Variants in NTAQ1 observed in about 807,000 individuals in gnomAD.
The protein encoded by NTAQ1 is N-terminal glutamine amidase 1, also known as protein N-terminal glutamine amidohydrolase.
A neutral mutation model predicts 28.2 loss-of-function variants in NTAQ1; 21 were observed. That is an observed-to-expected ratio of 0.74 (90% CI 0.53 to 1.07). The LOEUF (loss-of-function observed/expected upper bound fraction) is 1.07. Ranked by LOEUF, NTAQ1 falls within the 50% of genes least tolerant of loss-of-function variation. The probability of loss-of-function intolerance (pLI) is 0.00; values close to 1 mark genes in which losing one functional copy is unlikely to be tolerated. For missense variants in NTAQ1, 264 were observed against 256.6 expected (o/e 1.03, Z -0.20); for synonymous variants, 105 against 90.0 (o/e 1.17, Z -0.94).
chr8:123,458,720 A>G (rs1815729051), intron 6 of NTAQ1, among the ~76,000 whole-genome samples: 1 of 150,650 alleles, frequency 6.6e-6, no homozygotes, highest in Non-Finnish European at 1.5e-5. Context: ...CTCCTGGGTC[A>G]CACCATTCTC....
intron 1 of NTAQ1, among the ~76,000 whole-genome samples, chr8:123,427,056 G>A (rs886924068): frequency 3.3e-5 from 5 of 152,114 alleles, no homozygotes; most frequent in South Asian, 4.2e-4. Flanking sequence ...ATGAGTTCCC[G>A]GACATATCAC....
chr8:123,446,611 T>C (rs559837381), downstream of NTAQ1, among the ~76,000 whole-genome samples: 3 of 152,306 alleles, frequency 2.0e-5, no homozygotes, highest in East Asian at 5.8e-4. Flanking sequence ...CCACTCCAAC[T>C]GTGTCTGTGT....
chr8:123,466,197 A>G (rs1815957566), intron 6 of NTAQ1, among the ~76,000 whole-genome samples: 1 of 152,176 alleles, frequency 6.6e-6, no homozygotes, highest in Non-Finnish European at 1.5e-5. Flanking sequence ...TCCCAAGAAA[A>G]GTGCCCCAAG....
chr8:123,464,026 A>G (rs1328008682), intron 6 of NTAQ1, among the ~76,000 whole-genome samples: 1 of 152,134 alleles, frequency 6.6e-6, no homozygotes, highest in Non-Finnish European at 1.5e-5. Context: ...GCCTGCCGCC[A>G]TGTTAAGACG....
chr8:123,430,777 T>G (rs1343529235), intron 3 of NTAQ1, among the ~76,000 whole-genome samples: 2 of 152,286 alleles, frequency 1.3e-5, no homozygotes, highest in East Asian at 3.9e-4. Flanking sequence ...AGAGACCCTG[T>G]CTCAATAAAT....
At chr8:123,417,295 T>G (rs1813357924) in intron 1 of NTAQ1, among the ~76,000 whole-genome samples, 1 of 152,064 alleles carries the variant, frequency 6.6e-6, no homozygotes, top group Admixed American at 6.6e-5. Context: ...GAGGTGAAGG[T>G]CATTTTAATT....
intron 6 of NTAQ1, among the ~76,000 whole-genome samples, chr8:123,455,490 A>G (rs1408576951): frequency 2.7e-5 from 4 of 146,808 alleles, no homozygotes; most frequent in African/African-American, 5.1e-5. Context: ...CAGTGGTGCA[A>G]TCTTGGCTCA....
intron 1 of NTAQ1, among the ~76,000 whole-genome samples, chr8:123,426,384 A>G (rs1324655393): frequency 2.6e-5 from 4 of 152,206 alleles, no homozygotes; most frequent in African/African-American, 9.6e-5. Context: ...AGGCCTCTTG[A>G]GAAGGCCAGG....
In NTAQ1 at chr8:123,436,577, A is replaced by C; in HGVS notation, c.359A>C (p.Asp120Ala). The C allele has an allele frequency of 6.2e-7, 1 of 1,613,930 alleles. No individual in the cohort carries two copies. Residue 120 changes from aspartate to alanine, a missense_variant, in exon 4 of 6, where the codon GAT (aspartate) becomes GCT (alanine). Transcript: ENST00000287387. ...TYVEDAFKSD[D>A]DIHPQFRRKF... ...GTAGAAGATGCCTTTAAGTCTGATG[A>C]TGACATTCACCCACAGTTTAGGAGG...
intron 5 of NTAQ1, among the ~76,000 whole-genome samples, chr8:123,439,547 C>A (rs13265065): frequency 1.3e-5 from 2 of 151,524 alleles, no homozygotes; most frequent in African/African-American, 4.8e-5. Context: ...GGGGTCTTAC[C>A]GTGTTAGCCA....
intron 4 of NTAQ1, 128 bp from the exon 5 acceptor site, chr8:123,437,082 A>G (rs539032506): frequency 7.9e-7 from 1 of 1,264,638 alleles, no homozygotes; most frequent in Middle Eastern, 2.8e-4. Context: ...AGTTGCCTGT[A>G]TTACTAACCA....
At chr8:123,455,167 T>G (rs922049794) in intron 6 of NTAQ1, 1 of 152,206 alleles carries the variant, frequency 6.6e-6, no homozygotes, top group African/African-American at 2.4e-5. Flanking sequence ...AGCCTTGGTC[T>G]CCACTTAGGG....
rs1312554485 is a variant in NTAQ1, at chr8:123,416,954, C to T, written c.83+22C>T. 4.8e-6 allele frequency: 7 copies of T among 1,449,942 alleles called. No individual in the cohort carries two copies. In the Middle Eastern group the frequency reaches 7.3e-4, roughly 151 times the overall value. 89.8% of individuals were successfully genotyped at this position (1,449,942 alleles called of 1,614,324 possible). On this transcript the variant is annotated intron_variant, in intron 1 of 5. Transcript: ENST00000287387. ...ACTGGTGAGGGGGCGCGGGCGCAGC[C>T]TCTGGGTCTCCCAGGCTCCCGGGCG... is the stretch of plus-strand genomic sequence containing the variant.
rs902736935 is a variant in NTAQ1 at position 123,441,668 on chromosome 8, G to A, written c.*253G>A. 14 of 466,168 alleles carry A rather than the reference G, an allele frequency of 3.0e-5. No individual in the cohort carries two copies. The highest frequency in any genetic ancestry group is 4.3e-5 in the Non-Finnish European group (11 of 257,026). 28.9% of individuals were successfully genotyped at this position (466,168 alleles called of 1,614,324 possible). A position where few individuals can be genotyped will look rare whatever the true frequency, so the allele number is the denominator to read the frequency against. On this transcript the variant is annotated 3_prime_UTR_variant, in exon 6 of 6. Transcript: ENST00000287387. ...TCCTGTGGCTCATGCGTTACAACAC[G>A]AGGACTTAAGCCAGTAATCGTTTTT...
downstream of NTAQ1, among the ~76,000 whole-genome samples, chr8:123,450,083 C>G (rs768830346): frequency 1.3e-5 from 2 of 149,372 alleles, no homozygotes; most frequent in Non-Finnish European, 3.0e-5. Context: ...TCTATGATAT[C>G]ATTGAGAGAA....
chr8:123,460,595 T>G lies in NTAQ1; in HGVS notation c.373-6484T>G, dbSNP rs139709694. ...TACTGGACAGCCTTGAACCACAAGA[T>G]GTGATGTAGGGCTGAATCTTGTAGG... On this transcript the variant is annotated intron_variant, in intron 6 of 6. Coordinates refer to the NTAQ1 transcript ENST00000650311. 3.9e-4 allele frequency among the ~76,000 whole-genome samples: 59 copies of G among 152,316 alleles called. No individual in the cohort carries two copies. The East Asian group carries it at 9.4e-3, about 24-fold the overall frequency.
At chr8:123,457,143 C>T (rs1263884695) in intron 6 of NTAQ1, among the ~76,000 whole-genome samples, 1 of 152,060 alleles carries the variant, frequency 6.6e-6, no homozygotes, top group East Asian at 1.9e-4. Context: ...CTCGGCTCAC[C>T]GCAACCTCTG....
At chr8:123,447,607 C>T (rs1197264509) in intron 6 of NTAQ1, among the ~76,000 whole-genome samples, 1 of 152,010 alleles carries the variant, frequency 6.6e-6, no homozygotes, top group Admixed American at 6.6e-5. Flanking sequence ...GTAGTAGAGC[C>T]AGGATTCAAA....
rs771669403 is a variant in NTAQ1 at position 123,437,335 on chromosome 8, G to A, written c.508+1G>A. 6.2e-7 allele frequency: 1 copy of A among 1,613,948 alleles called. No individual in the cohort carries two copies. Among genetic ancestry groups the A allele is most frequent in the Non-Finnish European group, 8.5e-7 (1 of 1,179,862 alleles). ...CCATATCCCTGCATTGAGACTGGAGGTGAGCCAAGATGCCTTCTCAGATGG... is the reference window on the plus strand; with the variant it reads ...CCATATCCCTGCATTGAGACTGGAGATGAGCCAAGATGCCTTCTCAGATGG... On this transcript the variant is annotated splice_donor_variant, in intron 5 of 5. Coordinates refer to ENST00000287387, the MANE Select transcript of NTAQ1 (RefSeq NM_018024.3). LOFTEE classifies it high-confidence loss of function.
Sources: gnomAD v4.1 joint callset for allele counts (sites outside exome capture counted in the v4.1 genomes callset) on GRCh38, gnomAD v4.1.1 for gene constraint, MANE v1.5 for transcripts, NCBI Gene and HGNC (gene_info 2026-07-23, HGNC 2026-07-21) for gene names.